The following SLC26A9 variants were observed in gnomAD, a reference collection of about 807,000 sequenced individuals.
SLC26A9 encodes the protein solute carrier family 26 member 9.
Under a neutral mutation model 87.1 loss-of-function variants are expected in SLC26A9, and 46 were observed. The ratio of observed to expected loss-of-function variants is 0.53; its 90% CI spans 0.42 to 0.67. The LOEUF (loss-of-function observed/expected upper bound fraction) is 0.67, where lower values mean the gene tolerates loss of function less well. SLC26A9 is among the 30% of genes least tolerant of loss of function. The pLI is 0.00. For missense variants in SLC26A9, 927 were observed against 1,018.3 expected (o/e 0.91, Z 1.22); for synonymous variants, 437 against 409.1 (o/e 1.07, Z -0.82).
chr1:205,929,288 G>A lies in SLC26A9; in HGVS notation c.786C>T (p.Ser262=), dbSNP rs752353578. Residue 262 remains serine (S), a synonymous_variant, in exon 7 of 21, where the codon AGC becomes AGT. Transcript: ENST00000367135. ...CCTTCACCAGCACCAGGAAGGCACCGCTGATGAGAGCGAAGATGAGCGAGG... is the reference window on the plus strand; with the variant it reads ...CCTTCACCAGCACCAGGAAGGCACCACTGATGAGAGCGAAGATGAGCGAGG... ...NIASLIFALI[S]GAFLVLVKEL... is the part of the protein sequence containing the mutation. The A allele has an allele frequency of 1.8e-5, 29 of 1,614,132 alleles. No homozygotes were observed. Among genetic ancestry groups the A allele is most frequent in the East Asian group, 1.6e-4 (7 of 44,894 alleles).
chr1:205,932,014 A>G lies in SLC26A9; in HGVS notation c.398T>C (p.Ile133Thr), dbSNP rs2102594773. The G allele has an allele frequency of 6.2e-7, 1 of 1,614,212 alleles. No homozygotes were observed. The highest frequency in any genetic ancestry group is 2.2e-5 in the East Asian group (1 of 44,880). Residue 133 changes from isoleucine (I) to threonine (T), a missense_variant, in exon 5 of 21, where the codon ATC becomes ACC. By Grantham distance (89) the Ile-to-Thr change is moderately conservative (BLOSUM62 -1). Transcript: ENST00000367135. ...CTGCAGACAGATGTTACCCACCAGG[A>G]TGCTGATAACGGCAAAGGTACCTGT... ...MVPGTFAVIS[I>T]LVGNICLQLA... is the part of the protein sequence containing the mutation.
rs370992432 is a variant in SLC26A9, at chr1:205,932,759, A to G, written c.319T>C (p.Ser107Pro). The change falls in exon 4 of 21, where the codon TCC becomes CCC. Residue 107 changes from serine (S) to proline (P), a missense_variant. By Grantham distance (74) the Ser-to-Pro change is moderately conservative (BLOSUM62 -1). Transcript: ENST00000367135. ...AAGTAGGTCAGGAGGGGGAAGAAGG[A>G]GGAGTAGAGGCCATTGACTGCAGGA... is the stretch of plus-strand genomic sequence containing the variant. ...NLPAVNGLYS[S>P]FFPLLTYFFL... is the part of the protein sequence containing the mutation. 27 of 1,599,566 alleles carry G rather than the reference A, an allele frequency of 1.7e-5. No individual in the cohort carries two copies. In the African/African-American group the frequency reaches 3.2e-4, roughly 19 times the overall value.
Position 205,924,452 on chromosome 1 carries a change from A to C in SLC26A9, c.1427T>G (p.Leu476Arg). ...CACTGCCACACCATAGGGCAGGCTG[A>C]GGAAGAAGGAGGAGAGGAAGCTCAC... ...WVVSFLSSFF[L>R]SLPYGVAVGV... Residue 476 changes from leucine to arginine, a missense_variant, in exon 13 of 21, where the codon CTC becomes CGC. Coordinates refer to ENST00000367135, the MANE Select transcript of SLC26A9 (RefSeq NM_052934.4). The C allele has an allele frequency of 1.9e-6, 3 of 1,614,230 alleles. No homozygotes were observed. Among genetic ancestry groups the C allele is most frequent in the Non-Finnish European group, 2.5e-6 (3 of 1,180,040 alleles).
In SLC26A9 at chr1:205,917,252, C is replaced by T; in HGVS notation, c.2328+31G>A. The T allele has an allele frequency of 1.9e-6, 3 of 1,613,016 alleles. No homozygotes were observed. In the South Asian group the frequency reaches 3.3e-5, roughly 18 times the overall value. ...CCATCCTTCCCCTCTTCGCCCTGCT[C>T]CCACCCTCACAGCCCCTTCCCTCAG... On this transcript the variant is annotated intron_variant, in intron 20 of 20. Transcript: ENST00000367135.
chr1:205,927,461 C>A, intron 10 of SLC26A9, 31 bp downstream of exon 10: 1 of 1,603,222 alleles, frequency 6.2e-7, no homozygotes, highest in South Asian at 1.1e-5. Context: ...CTCTTACCAC[C>A]TCCCCCCAAC....
chr1:205,942,440 G>T (rs1271270390), intron 1 of SLC26A9, among the ~76,000 whole-genome samples: 1 of 152,182 alleles, frequency 6.6e-6, no homozygotes, highest in African/African-American at 2.4e-5. Context: ...CTGCCCACTT[G>T]GGGGGCTGCG....
Position 205,933,188 on chromosome 1 carries a change from CAAAATTCACTG to C in SLC26A9, c.126-115_126-105del, listed in dbSNP as rs559741666. The C allele has an allele frequency of 1.3e-3, 1,887 of 1,491,510 alleles. 1 individual carries two copies. The highest frequency in any genetic ancestry group is 1.6e-3 in the Non-Finnish European group (1,701 of 1,090,934). 92.4% of individuals were successfully genotyped at this position (1,491,510 alleles called of 1,614,324 possible). A position where few individuals can be genotyped will look rare whatever the true frequency, so the allele number is the denominator to read the frequency against. ...TGCTCATTTCATTCATTGGTTCATTCAAAATTCACTGAACTGTGTGCCAGGGATATTGAGAA... is the reference window on the plus strand; with the variant it reads ...TGCTCATTTCATTCATTGGTTCATTCAACTGTGTGCCAGGGATATTGAGAA... On this transcript the variant is annotated intron_variant, in intron 2 of 20. Coordinates refer to ENST00000367135, the MANE Select transcript of SLC26A9 (RefSeq NM_052934.4).
intron 4 of SLC26A9, 94 bp from the exon 5 acceptor site, chr1:205,932,129 G>T: frequency 2.0e-6 from 3 of 1,466,636 alleles, no homozygotes; most frequent in Non-Finnish European, 2.8e-6. Flanking sequence ...GACCCCAGGG[G>T]GATGGATCCC....
intron 12 of SLC26A9, 125 bp downstream of exon 12, chr1:205,926,410 T>G (rs1659069563): frequency 1.3e-6 from 1 of 792,738 alleles, no homozygotes; most frequent in Non-Finnish European, 2.1e-6. Flanking sequence ...TTTTAACCAC[T>G]CATCTCATGC....
At chr1:205,932,118 C>A (rs185110442) in intron 4 of SLC26A9, 83 bp from the exon 5 acceptor site, 4 of 1,541,558 alleles carry the variant, frequency 2.6e-6, no homozygotes, top group Admixed American at 3.7e-5. Flanking sequence ...GAATGCTTCC[C>A]GACCCCAGGG....
intron 18 of SLC26A9, 151 bp downstream of exon 18, chr1:205,920,025 G>T: frequency 2.5e-6 from 2 of 800,678 alleles, no homozygotes; most frequent in Non-Finnish European, 2.1e-6. Flanking sequence ...CTTTGGACTT[G>T]TACCTGAAGC....
intron 2 of SLC26A9, 98 bp downstream of exon 2, chr1:205,935,598 C>T: frequency 6.5e-7 from 1 of 1,545,326 alleles, no homozygotes; most frequent in Middle Eastern, 1.8e-4. Context: ...TTCCCTTAAC[C>T]CCATCTTAGG....
In SLC26A9 at chr1:205,914,763, G is replaced by T. The variant is rs367980630; in HGVS notation, c.*594C>A. The T allele has an allele frequency of 1.4e-4, 161 of 1,168,318 alleles. No homozygotes were observed. Among genetic ancestry groups the T allele is most frequent in the Middle Eastern group, 5.1e-4 (2 of 3,956 alleles). 72.4% of individuals were successfully genotyped at this position (1,168,318 alleles called of 1,614,324 possible). Reference sequence around the variant, plus strand: ...TTGGGCAGCCTTGGGGATGATGGAGGGGGGGCGCATAGTTACCAAGGCCTA... The same window carrying T: ...TTGGGCAGCCTTGGGGATGATGGAGTGGGGGCGCATAGTTACCAAGGCCTA... On this transcript the variant is annotated 3_prime_UTR_variant, in exon 21 of 21. Transcript: ENST00000367135.
chr1:205,938,955 C>G (rs1421904674), intron 1 of SLC26A9, among the ~76,000 whole-genome samples: 2 of 152,224 alleles, frequency 1.3e-5, no homozygotes, highest in Non-Finnish European at 2.9e-5. Flanking sequence ...GACTCACTGA[C>G]AGATGGAGCA....
chr1:205,927,405 G>A, intron 10 of SLC26A9, 87 bp downstream of exon 10: 2 of 1,545,546 alleles, frequency 1.3e-6, no homozygotes, highest in Non-Finnish European at 8.9e-7. Context: ...GGTCGGAGAA[G>A]AGCTGGCCTG....
At position 205,917,438 on chromosome 1, in the gene SLC26A9, G is replaced by A; in HGVS notation, c.2257-84C>T. The A allele has an allele frequency of 2.2e-6, 3 of 1,364,596 alleles. No individual in the cohort carries two copies. The South Asian group carries it at 3.5e-5, about 16-fold the overall frequency. 84.5% of individuals were successfully genotyped at this position (1,364,596 alleles called of 1,614,324 possible). ...CATGGTGGCAGGAAAAGGGACAGGT[G>A]GCCGGCTCTGGTTGGACGCTGCTTC... On this transcript the variant is annotated intron_variant, in intron 19 of 20. Coordinates refer to ENST00000367135, the MANE Select transcript of SLC26A9 (RefSeq NM_052934.4).
At chr1:205,924,645 T>C (rs1658993668) in intron 12 of SLC26A9, 156 bp from the exon 13 acceptor site, 1 of 626,760 alleles carries the variant, frequency 1.6e-6, no homozygotes, top group East Asian at 2.8e-5. Flanking sequence ...ATATTTTATG[T>C]ATTTGTGCTT....
chr1:205,920,307 T>G, intron 17 of SLC26A9, 77 bp from the exon 18 acceptor site: 1 of 1,580,560 alleles, frequency 6.3e-7, no homozygotes, highest in Non-Finnish European at 8.7e-7. Flanking sequence ...TCACAAAACG[T>G]ACTTCAGAGG....
At chr1:205,928,958 G>T (rs200199738) in intron 7 of SLC26A9, 49 bp from the exon 8 acceptor site, 25 of 1,594,320 alleles carry the variant, frequency 1.6e-5, no homozygotes, top group African/African-American at 1.5e-4. Flanking sequence ...GGTGGGGCCA[G>T]GGCAGGCGTC....
Sources: gnomAD v4.1 joint callset for allele counts (sites outside exome capture counted in the v4.1 genomes callset) on GRCh38, gnomAD v4.1.1 for gene constraint, MANE v1.5 for transcripts, NCBI Gene and HGNC (gene_info 2026-07-23, HGNC 2026-07-21) for gene names.